Variants in RCAN1 observed in about 807,000 individuals in gnomAD.
RCAN1 encodes the protein calcipressin-1.
A neutral mutation model predicts 22.9 loss-of-function variants in RCAN1; 11 were observed. The ratio of observed to expected loss-of-function variants is 0.48; its 90% confidence interval spans 0.30 to 0.79. The LOEUF is 0.79. RCAN1 is among the 30% of genes least tolerant of loss of function. RCAN1 has a pLI of 0.06. For synonymous variants in RCAN1, 136 were observed against 142.3 expected, an observed-to-expected ratio of 0.96 and a Z score of 0.32; for missense variants, 291 against 337.8, an observed-to-expected ratio of 0.86 and a Z score of 1.09.
intron 1 of RCAN1, among the ~76,000 whole-genome samples, chr21:34,551,912 G>A (rs925301129): frequency 2.0e-5 from 3 of 152,190 alleles, no homozygotes; most frequent in African/African-American, 7.2e-5. Context: ...AATGGAGAAA[G>A]GAAGGCATTA....
chr21:34,528,513 G>C (rs1450532586), intron 1 of RCAN1, among the ~76,000 whole-genome samples: 1 of 152,210 alleles, frequency 6.6e-6, no homozygotes, highest in Non-Finnish European at 1.5e-5. Context: ...ATGATGCTTC[G>C]AGAGGGAATG....
At chr21:34,527,287 C>T (rs867275829) in intron 1 of RCAN1, among the ~76,000 whole-genome samples, 4 of 151,518 alleles carry the variant, frequency 2.6e-5, no homozygotes, top group East Asian at 1.9e-4. Context: ...AACCAAAGTC[C>T]GGGTGACATA....
At chr21:34,570,436 A>G (rs1987194377) in intron 1 of RCAN1, among the ~76,000 whole-genome samples, 1 of 152,222 alleles carries the variant, frequency 6.6e-6, no homozygotes, top group African/African-American at 2.4e-5. Flanking sequence ...CATCCTAAGA[A>G]CAGGATGTAA....
chr21:34,549,467 C>T (rs1386109116), intron 1 of RCAN1, among the ~76,000 whole-genome samples: 1 of 152,138 alleles, frequency 6.6e-6, no homozygotes, highest in Non-Finnish European at 1.5e-5. Context: ...TTCATGGTGG[C>T]TGCCGAGGTG....
At chr21:34,573,095 T>A (rs1987289516) in intron 1 of RCAN1, among the ~76,000 whole-genome samples, 1 of 152,222 alleles carries the variant, frequency 6.6e-6, no homozygotes, top group Admixed American at 6.5e-5. Flanking sequence ...AAATTCTGCA[T>A]GCAAGATGAA....
chr21:34,571,760 C>T (rs1987240712), intron 1 of RCAN1, among the ~76,000 whole-genome samples: 2 of 152,148 alleles, frequency 1.3e-5, no homozygotes, highest in Non-Finnish European at 2.9e-5. Flanking sequence ...GTTGCTCAGG[C>T]TGGTCTCGAA....
At chr21:34,549,123 A>G (rs2298349) in intron 1 of RCAN1, among the ~76,000 whole-genome samples, 1 of 151,780 alleles carries the variant, frequency 6.6e-6, no homozygotes. Context: ...TCTCCATCCC[A>G]CGTGATGAAA....
intron 1 of RCAN1, among the ~76,000 whole-genome samples, chr21:34,528,112 T>G (rs993937791): frequency 3.3e-5 from 5 of 152,228 alleles, no homozygotes; most frequent in Non-Finnish European, 5.9e-5. Flanking sequence ...TATTTAAGCA[T>G]TCTCTGATTT....
intron 1 of RCAN1, among the ~76,000 whole-genome samples, chr21:34,581,374 C>A (rs1987603430): frequency 6.6e-6 from 1 of 152,048 alleles, no homozygotes; most frequent in South Asian, 2.1e-4. Context: ...AAGGAGTATT[C>A]AAAAACAAAA....
At chr21:34,536,629 A>G (rs1368805338) in intron 1 of RCAN1, among the ~76,000 whole-genome samples, 1 of 151,798 alleles carries the variant, frequency 6.6e-6, no homozygotes, top group African/African-American at 2.4e-5. Context: ...TGATTCTCCC[A>G]GGGAGGCTGG....
intron 1 of RCAN1, among the ~76,000 whole-genome samples, chr21:34,612,474 G>A (rs1988709341): frequency 6.6e-6 from 1 of 152,180 alleles, no homozygotes. Context: ...GCCTCCCTGG[G>A]CCACTCCATC....
intron 1 of RCAN1, among the ~76,000 whole-genome samples, chr21:34,604,782 G>A (rs1395508937): frequency 6.6e-6 from 1 of 152,204 alleles, no homozygotes; most frequent in Non-Finnish European, 1.5e-5. Flanking sequence ...CCTTACACTG[G>A]GGAAGTGGGC....
chr21:34,600,500 A>G (rs1452120767), intron 1 of RCAN1, among the ~76,000 whole-genome samples: 6 of 152,158 alleles, frequency 3.9e-5, no homozygotes, highest in Non-Finnish European at 8.8e-5. Context: ...AAGGAGGGGA[A>G]GGGGAAGATC....
intron 1 of RCAN1, among the ~76,000 whole-genome samples, chr21:34,565,305 G>T (rs74540927): frequency 0.011 from 1,663 of 152,324 alleles, 35 homozygotes; most frequent in African/African-American, 0.038. Context: ...TTGGCAACAG[G>T]TTGGAAATTT....
chr21:34,530,065 G>T (rs114124480), intron 1 of RCAN1, among the ~76,000 whole-genome samples: 3,796 of 152,162 alleles, frequency 0.025, 122 homozygotes, highest in African/African-American at 0.07. Context: ...CCCAGTCTTG[G>T]GTATGTCTTG....
At chr21:34,523,780 A>G in intron 1 of RCAN1, 70 bp from the exon 2 acceptor site, 4 of 1,289,482 alleles carry the variant, frequency 3.1e-6, no homozygotes, top group South Asian at 1.4e-5. Flanking sequence ...AGATGATGTC[A>G]TTACTTTTTT....
At chr21:34,563,790 TATATAGAGAG>T (rs1336573044) in intron 1 of RCAN1, among the ~76,000 whole-genome samples, 6 of 84,384 alleles carry the variant, frequency 7.1e-5, no homozygotes, top group South Asian at 4.8e-4. Context: ...TATATATATA[TATATAGAGAG>T]AGAGAGAGAG....
chr21:34,528,298 T>C (rs1388634544), intron 1 of RCAN1, among the ~76,000 whole-genome samples: 2 of 152,218 alleles, frequency 1.3e-5, no homozygotes, highest in African/African-American at 2.4e-5. Flanking sequence ...AAAGTCCTTT[T>C]GGATGAGTGA....
chr21:34,578,144 A>G (rs1987476007), intron 1 of RCAN1, among the ~76,000 whole-genome samples: 1 of 152,200 alleles, frequency 6.6e-6, no homozygotes, highest in Non-Finnish European at 1.5e-5. Context: ...CACATGCAAA[A>G]ACACAAAAGA....
Sources: gnomAD v4.1 joint callset for allele counts (sites outside exome capture counted in the v4.1 genomes callset) on GRCh38, gnomAD v4.1.1 for gene constraint, MANE v1.5 for transcripts, NCBI Gene and HGNC (gene_info 2026-07-23, HGNC 2026-07-21) for gene names.